The following AMZ2 variants were observed in gnomAD, a reference collection of about 807,000 sequenced individuals.
AMZ2 encodes the protein archaemetzincin-2.
A neutral mutation model predicts 36.7 loss-of-function variants in AMZ2; 26 were observed. The observed-to-expected ratio is 0.71, with a 90% CI of 0.52 to 0.98. The LOEUF (loss-of-function observed/expected upper bound fraction) is 0.98. Ranked by LOEUF, AMZ2 falls within the 50% of genes least tolerant of loss-of-function variation. The pLI, the probability that AMZ2 is intolerant of heterozygous loss-of-function variation, is 0.00. For missense variants in AMZ2, 394 were observed against 430.5 expected (o/e 0.92, Z 0.75); for synonymous variants, 144 against 149.1 (o/e 0.97, Z 0.25).
chr17:68,250,738 G>A (rs191065828), intron 2 of AMZ2, 56 bp from the exon 3 acceptor site: 4 of 1,454,638 alleles, frequency 2.7e-6, no homozygotes, highest in Non-Finnish European at 3.7e-6. Flanking sequence ...CATAGACTGG[G>A]TAAACACTGA....
chr17:68,247,584 G>A (rs1392740500), upstream of AMZ2: 1 of 965,652 alleles, frequency 1.0e-6, no homozygotes. Flanking sequence ...AAATAAAGAA[G>A]GGAAAGTGCT....
intron 1 of AMZ2, among the ~76,000 whole-genome samples, chr17:68,214,614 C>T (rs1239293703): frequency 6.6e-6 from 1 of 152,122 alleles, no homozygotes; most frequent in Admixed American, 6.5e-5. Flanking sequence ...TAGAGACACC[C>T]CTCCTTGTTA....
intron 4 of AMZ2, among the ~76,000 whole-genome samples, chr17:68,251,569 A>G (rs2074478536): frequency 6.6e-6 from 1 of 152,152 alleles, no homozygotes. Context: ...CAGGAGGCTG[A>G]GGTGAGAGGA....
upstream of AMZ2, among the ~76,000 whole-genome samples, chr17:68,243,695 T>C (rs1429168483): frequency 1.3e-5 from 2 of 152,216 alleles, no homozygotes; most frequent in Admixed American, 6.5e-5. Context: ...AGATTCGACC[T>C]GTTTATACAC....
intron 1 of AMZ2, among the ~76,000 whole-genome samples, chr17:68,218,560 A>G (rs1436689413): frequency 4.6e-5 from 7 of 152,200 alleles, no homozygotes; most frequent in Middle Eastern, 3.2e-3. Context: ...TTTTAAATCT[A>G]TACAGCTTTC....
rs191339801 is a variant in AMZ2 at position 68,257,136 on chromosome 17, T to C, written c.*167T>C. 217 of 628,696 alleles carry C rather than the reference T, an allele frequency of 3.5e-4. No individual in the cohort carries two copies. Among genetic ancestry groups the C allele is most frequent in the African/African-American group, 3.3e-3 (176 of 52,816 alleles). The allele number at this position is 628,696 out of a possible 1,614,324, so 38.9% of individuals were successfully genotyped here. ...TTGAAATGAAACTCATTTTGAATAA[T>C]AAAAACTCTAGAAACTCTTTATCTT... On this transcript the variant is annotated 3_prime_UTR_variant, in exon 7 of 7. Transcript: ENST00000359904.
At chr17:68,208,758 C>G (rs552871166) in intron 1 of AMZ2, among the ~76,000 whole-genome samples, 2 of 152,300 alleles carry the variant, frequency 1.3e-5, no homozygotes, top group South Asian at 4.1e-4. Flanking sequence ...CTAAAGCCAG[C>G]GAGACCACGA....
chr17:68,250,692 A>G, intron 2 of AMZ2, 102 bp from the exon 3 acceptor site: 1 of 1,245,578 alleles, frequency 8.0e-7, no homozygotes, highest in Non-Finnish European at 1.1e-6. Flanking sequence ...TTGAAAATTT[A>G]GAGTTGGTTT....
At chr17:68,215,022 C>T (rs1185492730) in intron 1 of AMZ2, among the ~76,000 whole-genome samples, 1 of 152,152 alleles carries the variant, frequency 6.6e-6, no homozygotes, top group Non-Finnish European at 1.5e-5. Flanking sequence ...GAGCTCAAGC[C>T]ATCTGCCCTC....
At chr17:68,223,031 C>T (rs1408596539) in intron 1 of AMZ2, among the ~76,000 whole-genome samples, 7 of 151,168 alleles carry the variant, frequency 4.6e-5, no homozygotes, top group South Asian at 4.2e-4. Flanking sequence ...CGTGTGCTCT[C>T]GGAGGGAGGG....
At chr17:68,233,947 G>A (rs1392829797) in intron 1 of AMZ2, among the ~76,000 whole-genome samples, 7 of 152,100 alleles carry the variant, frequency 4.6e-5, no homozygotes, top group Non-Finnish European at 8.8e-5. Flanking sequence ...TCAATAAGTC[G>A]TGTTTTATTC....
At chr17:68,211,976 T>G (rs1555726195) in intron 1 of AMZ2, among the ~76,000 whole-genome samples, 5 of 151,774 alleles carry the variant, frequency 3.3e-5, no homozygotes, top group Non-Finnish European at 5.9e-5. Flanking sequence ...CCAGTCCAGA[T>G]CTATCTGTAT....
At chr17:68,230,999 T>G (rs1555731112) in intron 1 of AMZ2, among the ~76,000 whole-genome samples, 1 of 152,158 alleles carries the variant, frequency 6.6e-6, no homozygotes, top group Admixed American at 6.5e-5. Flanking sequence ...GCATCTAACC[T>G]GTAGGGCAAG....
intron 1 of AMZ2, among the ~76,000 whole-genome samples, chr17:68,231,731 C>T (rs113231846): frequency 0.06 from 9,100 of 152,090 alleles, 478 homozygotes; most frequent in Admixed American, 0.13. Context: ...GGATAGGTTA[C>T]ATGAGCAATC....
upstream of AMZ2, among the ~76,000 whole-genome samples, chr17:68,246,224 C>T (rs550795928): frequency 4.4e-4 from 55 of 124,130 alleles, no homozygotes; most frequent in Non-Finnish European, 8.9e-4. Flanking sequence ...AAAAATTAGC[C>T]GGGCGTGGTG....
intron 1 of AMZ2, among the ~76,000 whole-genome samples, chr17:68,211,748 A>ATATATG (rs1160511241): frequency 4.8e-5 from 7 of 146,846 alleles, no homozygotes; most frequent in Non-Finnish European, 8.9e-5. Flanking sequence ...GTGTATATGT[A>ATATATG]TATATGTATA....
intron 1 of AMZ2, among the ~76,000 whole-genome samples, chr17:68,224,173 C>A (rs1181281788): frequency 2.6e-5 from 4 of 152,022 alleles, no homozygotes; most frequent in Non-Finnish European, 4.4e-5. Context: ...GAACTCCTGA[C>A]CTCAGGTGAT....
intron 1 of AMZ2, among the ~76,000 whole-genome samples, chr17:68,223,670 G>A (rs2073426985): frequency 6.6e-6 from 1 of 151,782 alleles, no homozygotes; most frequent in East Asian, 1.9e-4. Context: ...CTCCCAAGTA[G>A]CTGGGATTAC....
At chr17:68,227,218 C>T (rs140134029) in intron 1 of AMZ2, among the ~76,000 whole-genome samples, 29 of 152,176 alleles carry the variant, frequency 1.9e-4, no homozygotes, top group Admixed American at 3.3e-4. Flanking sequence ...TCCGTGACCT[C>T]GGGAAGATGA....
Sources: allele counts gnomAD v4.1 joint callset (sites outside exome capture counted in the v4.1 genomes callset), GRCh38; gene constraint gnomAD v4.1.1; transcripts MANE v1.5; gene names NCBI Gene and HGNC (gene_info 2026-07-23, HGNC 2026-07-21).